ZNF423: variants seen among roughly 807,000 people sequenced by gnomAD.
The protein encoded by ZNF423 is zinc finger protein 423.
ZNF423 carries 12 observed loss-of-function variants against 95.8 expected under a neutral mutation model. That is an observed-to-expected ratio of 0.13 (90% CI 0.08 to 0.20). The LOEUF is 0.20. Ranked by LOEUF, ZNF423 falls within the 10% of genes least tolerant of loss-of-function variation. The pLI is 1.00. For missense variants in ZNF423, 1,316 were observed against 1,737.1 expected (o/e 0.76, Z 4.31); for synonymous variants, 749 against 711.9 (o/e 1.05, Z -0.83).
At chr16:49,838,412 C>T (rs963256677) in intron 1 of ZNF423, among the ~76,000 whole-genome samples, 1 of 152,232 alleles carries the variant, frequency 6.6e-6, no homozygotes, top group African/African-American at 2.4e-5. Flanking sequence ...AATGAATCAA[C>T]GAGTGTTAAG....
intron 1 of ZNF423, among the ~76,000 whole-genome samples, chr16:49,843,043 A>C (rs370658177): frequency 3.3e-5 from 5 of 152,268 alleles, no homozygotes; most frequent in East Asian, 1.9e-4. Flanking sequence ...GATTAGGAGA[A>C]ATGTGCATTC....
chr16:49,735,016 T>A (rs2143433047), intron 2 of ZNF423, among the ~76,000 whole-genome samples: 1 of 152,216 alleles, frequency 6.6e-6, no homozygotes, highest in East Asian at 1.9e-4. Flanking sequence ...TTAACCACTC[T>A]ACTACATGGT....
At chr16:49,838,456 G>C (rs2035144646) in intron 1 of ZNF423, among the ~76,000 whole-genome samples, 1 of 152,234 alleles carries the variant, frequency 6.6e-6, no homozygotes, top group Admixed American at 6.5e-5. Context: ...TGGGAAGTGC[G>C]CTCAGCGGCA....
chr16:49,592,051 G>A (rs1971025084), intron 5 of ZNF423, among the ~76,000 whole-genome samples: 1 of 152,226 alleles, frequency 6.6e-6, no homozygotes, highest in South Asian at 2.1e-4. Context: ...CATCAATAAA[G>A]GGTTATTACA....
intron 2 of ZNF423, among the ~76,000 whole-genome samples, chr16:49,769,512 C>T (rs1272800782): frequency 6.6e-6 from 1 of 152,098 alleles, no homozygotes. Flanking sequence ...ACCATCTCTT[C>T]CCCACACACA....
intron 2 of ZNF423, among the ~76,000 whole-genome samples, chr16:49,767,755 C>A (rs1276068445): frequency 6.6e-6 from 1 of 152,170 alleles, no homozygotes; most frequent in Non-Finnish European, 1.5e-5. Flanking sequence ...CAGCAGGCAC[C>A]AGGACACAGA....
At chr16:49,762,800 C>A (rs2033856117) in intron 2 of ZNF423, among the ~76,000 whole-genome samples, 3 of 152,308 alleles carry the variant, frequency 2.0e-5, no homozygotes, top group Admixed American at 1.3e-4. Context: ...AGGCAACCAG[C>A]CCAACGCTTG....
chr16:49,768,764 CCA>C (rs35165027), intron 2 of ZNF423, among the ~76,000 whole-genome samples: 24,428 of 152,008 alleles, frequency 0.16, 2,051 homozygotes, highest in South Asian at 0.26. Context: ...TCTGTCCCAG[CCA>C]CACACTCATG....
At chr16:49,681,709 T>C (rs2031365033) in intron 3 of ZNF423, among the ~76,000 whole-genome samples, 1 of 152,218 alleles carries the variant, frequency 6.6e-6, no homozygotes, top group Non-Finnish European at 1.5e-5. Flanking sequence ...GCCCATGGGT[T>C]CCTGGAGGCT....
intron 3 of ZNF423, among the ~76,000 whole-genome samples, chr16:49,677,364 GGGAGGGTA>G (rs1470899510): frequency 3.2e-4 from 9 of 28,208 alleles, no homozygotes; most frequent in South Asian, 4.0e-3. Context: ...GGGAGGGAAG[GGGAGGGTA>G]GGAGGGGAGG....
intron 1 of ZNF423, among the ~76,000 whole-genome samples, chr16:49,811,256 C>G (rs551107868): frequency 6.6e-6 from 1 of 152,074 alleles, no homozygotes; most frequent in Non-Finnish European, 1.5e-5. Flanking sequence ...TAGTGAGGCT[C>G]CCGGCATGGG....
chr16:49,524,358 G>A (rs951572415), intron 6 of ZNF423, among the ~76,000 whole-genome samples: 2 of 152,140 alleles, frequency 1.3e-5, no homozygotes, highest in Non-Finnish European at 2.9e-5. Context: ...CAGCATCCTC[G>A]GGCCCCCACA....
Position 49,855,486 on chromosome 16 carries a change from G to C in ZNF423, c.40+249C>G, listed in dbSNP as rs1420032218. On this transcript the variant is annotated intron_variant, in intron 1 of 7. Transcript: ENST00000563137. This position sits in a 1 kb window ranked among gnomAD's most constrained non-coding sequence, Gnocchi z 4.7. ...AGGGCGACGGCGCCGAGTCCGGGCAGGGAGGGTGTCCGCGGCGTACCCCCT... is the reference window on the plus strand; with the variant it reads ...AGGGCGACGGCGCCGAGTCCGGGCACGGAGGGTGTCCGCGGCGTACCCCCT... Among the ~76,000 whole-genome samples, 1 of 150,874 alleles carries C rather than the reference G, an allele frequency of 6.6e-6. No homozygotes were observed. The highest frequency in any genetic ancestry group is 2.4e-5 in the African/African-American group (1 of 41,044).
rs370452922 is a variant in ZNF423 at position 49,664,061 on chromosome 16, C to T, written c.302-25187G>A. ...TCTTCCCCCTTCCAACCCAGCCACC[C>T]CCTCATCACTGTCCCATGCCTCCGC... On this transcript the variant is annotated intron_variant, in intron 3 of 7. Coordinates refer to ENST00000563137, the MANE Select transcript of ZNF423 (RefSeq NM_001379286.1). 82 of 985,636 alleles carry T rather than the reference C, an allele frequency of 8.3e-5. 1 individual carries two copies. The African/African-American group carries it at 1.3e-3, about 16-fold the overall frequency. 61.1% of individuals were successfully genotyped at this position (985,636 alleles called of 1,614,324 possible). A position where few individuals can be genotyped will look rare whatever the true frequency, so the allele number is the denominator to read the frequency against.
intron 3 of ZNF423, among the ~76,000 whole-genome samples, chr16:49,664,861 G>C (rs969777937): frequency 6.6e-6 from 1 of 152,242 alleles, no homozygotes; most frequent in African/African-American, 2.4e-5. Context: ...GAGCGAGATC[G>C]GGGGTGGCCC....
In ZNF423 at chr16:49,789,668, G is replaced by A. The variant is rs1003509044; in HGVS notation, c.41-122C>T. ...CCTTATTATAATACCCATCACCAGG[G>A]GAGAGGGGGCAAAGCCTACAAAGAG... On this transcript the variant is annotated intron_variant, in intron 1 of 7. Coordinates refer to ENST00000563137, the MANE Select transcript of ZNF423 (RefSeq NM_001379286.1). 5.8e-5 allele frequency: 51 copies of A among 879,856 alleles called. No individual in the cohort carries two copies. The African/African-American group carries it at 7.6e-4, about 13-fold the overall frequency. The allele number at this position is 879,856 out of a possible 1,614,324, so 54.5% of individuals were successfully genotyped here. A position where few individuals can be genotyped will look rare whatever the true frequency, so the allele number is the denominator to read the frequency against.
At position 49,541,590 on chromosome 16, in the gene ZNF423, G is replaced by T. The variant is rs74250705; in HGVS notation, c.3602-16096C>A. On this transcript the variant is annotated intron_variant, in intron 5 of 7. Transcript: ENST00000563137. Reference sequence around the variant, plus strand: ...CTTGGCTGGATTTTCTGGTTTTCCTGCAATGAACATGTATAGCCTTTGTAA... The same window carrying T: ...CTTGGCTGGATTTTCTGGTTTTCCTTCAATGAACATGTATAGCCTTTGTAA... Among the ~76,000 whole-genome samples, 13 of 152,290 alleles carry T rather than the reference G, an allele frequency of 8.5e-5. No homozygotes were observed. The East Asian group carries it at 2.5e-3, about 29-fold the overall frequency.
intron 3 of ZNF423, among the ~76,000 whole-genome samples, chr16:49,662,792 G>T (rs533983229): frequency 6.6e-6 from 1 of 152,346 alleles, no homozygotes; most frequent in East Asian, 1.9e-4. Flanking sequence ...GAGGATCCCA[G>T]GCAGGGATCT....
intron 5 of ZNF423, among the ~76,000 whole-genome samples, chr16:49,582,566 T>A (rs900758783): frequency 6.6e-6 from 1 of 152,324 alleles, no homozygotes; most frequent in Non-Finnish European, 1.5e-5. Flanking sequence ...AGGTGCAGAA[T>A]AACCAATGTA....
Sources: gnomAD v4.1 joint callset for allele counts (sites outside exome capture counted in the v4.1 genomes callset) on GRCh38, gnomAD v4.1.1 for gene constraint, Gnocchi (gnomAD v3.1) non-coding constraint, MANE v1.5 for transcripts, NCBI Gene and HGNC (gene_info 2026-07-23, HGNC 2026-07-21) for gene names.